Variants in TMEM268 observed in about 807,000 individuals in gnomAD.
TMEM268 encodes the protein transmembrane protein C9orf91.
TMEM268 carries 24 observed loss-of-function variants against 39.1 expected under a neutral mutation model. The observed-to-expected ratio is 0.61, with a 90% CI of 0.44 to 0.86. The LOEUF is 0.86. Among genes scored for constraint, TMEM268 ranks in the 40% least tolerant of loss-of-function variants. The pLI, the probability that TMEM268 is intolerant of heterozygous loss-of-function variation, is 0.00. For missense variants in TMEM268, 409 were observed against 428.6 expected, an observed-to-expected ratio of 0.95 and a Z score of 0.40; for synonymous variants, 176 against 173.5, an observed-to-expected ratio of 1.01 and a Z score of -0.12.
At chr9:114,628,565 C>G (rs1233033317) in intron 5 of TMEM268, among the ~76,000 whole-genome samples, 2 of 152,118 alleles carry the variant, frequency 1.3e-5, no homozygotes, top group Non-Finnish European at 2.9e-5. Context: ...TCCCTGGGTG[C>G]TCACAACAGC....
At chr9:114,637,204 T>C (rs999606216) in intron 7 of TMEM268, 134 bp downstream of exon 7, 3 of 582,166 alleles carry the variant, frequency 5.2e-6, no homozygotes, top group African/African-American at 3.7e-5. Flanking sequence ...AGTGGTTGTT[T>C]TGCCTAGGGA....
At chr9:114,621,248 C>T (rs112566275) in intron 2 of TMEM268, among the ~76,000 whole-genome samples, 3,990 of 150,498 alleles carry the variant, frequency 0.027, 165 homozygotes, top group African/African-American at 0.09. Context: ...GGGAGGCTGA[C>T]GTGGGAGGAT....
chr9:114,609,642 A>G (rs1845416114), upstream of TMEM268, among the ~76,000 whole-genome samples: 1 of 151,370 alleles, frequency 6.6e-6, no homozygotes, highest in Non-Finnish European at 1.5e-5. Flanking sequence ...GTGAGCTGTG[A>G]CTGCACCACT....
intron 3 of TMEM268, among the ~76,000 whole-genome samples, chr9:114,626,163 A>C (rs1846151846): frequency 6.6e-6 from 1 of 151,876 alleles, no homozygotes; most frequent in African/African-American, 2.4e-5. Flanking sequence ...GGGTCTTGCT[A>C]TGTTGCCCAG....
chr9:114,615,251 A>G (rs1845658627), intron 1 of TMEM268, among the ~76,000 whole-genome samples: 1 of 152,084 alleles, frequency 6.6e-6, no homozygotes, highest in Non-Finnish European at 1.5e-5. Context: ...ACGCCTCTCA[A>G]TGACCTGGCT....
chr9:114,616,054 C>T lies in TMEM268; in HGVS notation c.-78-1064C>T, dbSNP rs1267042476. 8.5e-5 allele frequency among the ~76,000 whole-genome samples: 11 copies of T among 130,018 alleles called. 2 individuals carry two copies. Among genetic ancestry groups the T allele is most frequent in the Admixed American group, 8.8e-5 (1 of 11,370 alleles). 85.3% of individuals were successfully genotyped at this position (130,018 alleles called of 152,430 possible). ...TTTTTGAGACGGAGTCTTGCTCTGT[C>T]GTCCAGGCTGGAGTGCAGTGGCGCG... On this transcript the variant is annotated intron_variant, in intron 1 of 8. Coordinates refer to ENST00000288502, the MANE Select transcript of TMEM268 (RefSeq NM_153045.4).
At chr9:114,631,826 C>T (rs10982339) in intron 5 of TMEM268, among the ~76,000 whole-genome samples, 11,797 of 152,084 alleles carry the variant, frequency 0.078, 623 homozygotes, top group South Asian at 0.15. Context: ...AGTGGCTGGG[C>T]GTGATGGCTC....
In TMEM268 at chr9:114,633,806, T is replaced by C; in HGVS notation, c.513T>C (p.Asn171=). The C allele has an allele frequency of 6.2e-7, 1 of 1,605,020 alleles. No homozygotes were observed. Among genetic ancestry groups the C allele is most frequent in the Non-Finnish European group, 8.5e-7 (1 of 1,175,962 alleles). The change falls in exon 6 of 9, where the codon AAT becomes AAC. Residue 171 remains asparagine, a synonymous_variant. Transcript: ENST00000288502. ...CGGACCTGAGGCTGGCAGCTGCCAA[T>C]GGAGCCCTCCTGAGACACCGGGTGC... ...TNTDLRLAAA[N]GALLRHRVLL...
intron 1 of TMEM268, among the ~76,000 whole-genome samples, chr9:114,613,262 A>G (rs1377964915): frequency 6.6e-6 from 1 of 152,180 alleles, no homozygotes; most frequent in Admixed American, 6.5e-5. Context: ...TCTGAAAGAC[A>G]TTGCCTCATG....
chr9:114,630,309 T>TCCATCCAC (rs72318668), intron 5 of TMEM268, among the ~76,000 whole-genome samples: 1 of 151,940 alleles, frequency 6.6e-6, no homozygotes, highest in African/African-American at 2.4e-5. Flanking sequence ...CATCCATCCA[T>TCCATCCAC]CCATCCAAGA....
chr9:114,632,242 T>C (rs1297524988), intron 5 of TMEM268, among the ~76,000 whole-genome samples: 2 of 152,128 alleles, frequency 1.3e-5, no homozygotes, highest in Non-Finnish European at 2.9e-5. Context: ...GGGGACAGTC[T>C]TGAACATGCA....
At chr9:114,606,871 A>C (rs934528055), upstream of TMEM268, among the ~76,000 whole-genome samples, 19 of 152,112 alleles carry the variant, frequency 1.2e-4, no homozygotes, top group Non-Finnish European at 2.5e-4. Flanking sequence ...AAAAAAAAAA[A>C]AACCAAAAAA....
At chr9:114,622,075 G>C in intron 2 of TMEM268, 1 of 985,384 alleles carries the variant, frequency 1.0e-6, no homozygotes, top group Non-Finnish European at 1.2e-6. Context: ...AGGGCACAGA[G>C]TGGACAGATG....
rs149392602 is a variant in TMEM268, at chr9:114,623,436, G to A, written c.107-914G>A. 3.1e-3 allele frequency among the ~76,000 whole-genome samples: 475 copies of A among 152,308 alleles called. 2 individuals are homozygous for A. Among genetic ancestry groups the A allele is most frequent in the Non-Finnish European group, 4.9e-3 (332 of 68,030 alleles). Reference sequence around the variant, plus strand: ...GCTGGGATTATAGGTGTGAGCCATTGCACCCAGCTGGATTTGTTATTTCAT... The same window carrying A: ...GCTGGGATTATAGGTGTGAGCCATTACACCCAGCTGGATTTGTTATTTCAT... On this transcript the variant is annotated intron_variant, in intron 2 of 8. Transcript: ENST00000288502.
At chr9:114,619,303 A>G (rs938318470) in intron 2 of TMEM268, among the ~76,000 whole-genome samples, 2 of 150,376 alleles carry the variant, frequency 1.3e-5, no homozygotes, top group African/African-American at 2.4e-5. Context: ...GCACACACAC[A>G]CACACACACA....
In TMEM268 at chr9:114,624,789, T is replaced by G. The variant is rs146738125; in HGVS notation, c.216+330T>G. Among the ~76,000 whole-genome samples, 25 of 152,292 alleles carry G rather than the reference T, an allele frequency of 1.6e-4. No homozygotes were observed. The East Asian group carries it at 4.6e-3, about 28-fold the overall frequency. ...AGAAATTGGGACAGTATCATATAAA[T>G]GCCACAGAAGAGGAATGCACAGGCA... On this transcript the variant is annotated intron_variant, in intron 3 of 8. Transcript: ENST00000288502.
In TMEM268 at chr9:114,611,518, T is replaced by C; in HGVS notation, c.-125T>C. 6.2e-6 allele frequency: 1 copy of C among 160,256 alleles called. No homozygotes were observed. The highest frequency in any genetic ancestry group is 1.3e-5 in the Non-Finnish European group (1 of 79,740). The allele number at this position is 160,256 out of a possible 1,614,324, so 9.9% of individuals were successfully genotyped here. A position where few individuals can be genotyped will look rare whatever the true frequency, so the allele number is the denominator to read the frequency against. ...CATTAGGGGCTCGGCGCCCCCGACC[T>C]TCCGCGTCCCGGGGTGGCGGCGGCG... On this transcript the variant is annotated 5_prime_UTR_variant, in exon 1 of 9. Transcript: ENST00000288502.
chr9:114,610,782 T>C (rs982697517), upstream of TMEM268, among the ~76,000 whole-genome samples: 6 of 152,182 alleles, frequency 3.9e-5, no homozygotes, highest in South Asian at 4.1e-4. Flanking sequence ...GCTATAATTA[T>C]CTGCTTTTTA....
At position 114,617,287 on chromosome 9, in the gene TMEM268, C is replaced by T; in HGVS notation, c.92C>T (p.Pro31Leu). Residue 31 changes from proline to leucine, a missense_variant, in exon 2 of 9, where the codon CCT (proline) becomes CTT (leucine). Coordinates refer to ENST00000288502, the MANE Select transcript of TMEM268 (RefSeq NM_153045.4). Reference protein sequence around the residue: ...GWSALPGGSPPGWGQELHNGQ... With the variant: ...GWSALPGGSPLGWGQELHNGQ... ...AGTGCCCTGCCTGGAGGGAGCCCTC[C>T]TGGCTGGGGGCAAGGTAAGATCATG... 2 of 1,613,188 alleles carry T rather than the reference C, an allele frequency of 1.2e-6. No homozygotes were observed. Among genetic ancestry groups the T allele is most frequent in the Non-Finnish European group, 1.7e-6 (2 of 1,179,290 alleles).
Sources: gnomAD v4.1 joint callset for allele counts (sites outside exome capture counted in the v4.1 genomes callset) on GRCh38, gnomAD v4.1.1 for gene constraint, MANE v1.5 for transcripts, NCBI Gene and HGNC (gene_info 2026-07-23, HGNC 2026-07-21) for gene names.